Variants in KIAA1217 observed in about 807,000 individuals in gnomAD.
The protein encoded by KIAA1217 is KIAA1217, also known as sickle tail protein homolog.
In KIAA1217, 88 loss-of-function variants were observed where a neutral mutation model predicts 163.9. The observed-to-expected ratio is 0.54, with a 90% CI of 0.45 to 0.64. The LOEUF (loss-of-function observed/expected upper bound fraction) is 0.64. Among genes scored for constraint, KIAA1217 ranks in the 30% least tolerant of loss-of-function variants. The pLI, the probability that KIAA1217 is intolerant of heterozygous loss-of-function variation, is 0.00. For missense variants in KIAA1217, 2,372 were observed against 2,475.0 expected (o/e 0.96, Z 0.88); for synonymous variants, 903 against 923.1 (o/e 0.98, Z 0.39).
At position 24,026,019 on chromosome 10, in the gene KIAA1217, C is replaced by T. The variant is rs113613080; in HGVS notation, c.-171+18645C>T. ...TATTTCATTTTCTTGCTTTATCGTACCAGCTAAAGCCATCAGTAAAATGCT... is the reference window on the plus strand; with the variant it reads ...TATTTCATTTTCTTGCTTTATCGTATCAGCTAAAGCCATCAGTAAAATGCT... On this transcript the variant is annotated intron_variant, in intron 2 of 18. Transcript: ENST00000376462. Among the ~76,000 whole-genome samples, 453 of 151,806 alleles carry T rather than the reference C, an allele frequency of 3.0e-3. 3 individuals are homozygous for T. Among genetic ancestry groups the T allele is most frequent in the African/African-American group, 0.01 (415 of 41,468 alleles).
chr10:24,382,566 T>C (rs576662389), intron 3 of KIAA1217, among the ~76,000 whole-genome samples: 1 of 152,266 alleles, frequency 6.6e-6, no homozygotes, highest in East Asian at 1.9e-4. Context: ...AGGATCCTCA[T>C]TGTATAAATG....
chr10:24,427,880 CT>C (rs1412090862), intron 3 of KIAA1217, among the ~76,000 whole-genome samples: 19 of 152,178 alleles, frequency 1.2e-4, no homozygotes, highest in Admixed American at 6.5e-5. Context: ...TTCTAAATAC[CT>C]TTCCTGAATT....
At chr10:24,089,665 G>T (rs151331611) in intron 2 of KIAA1217, among the ~76,000 whole-genome samples, 18,595 of 151,666 alleles carry the variant, frequency 0.12, 3,073 homozygotes, top group African/African-American at 0.36. Flanking sequence ...ATCTCTGTTT[G>T]GGTACCAGTA....
In KIAA1217 at chr10:23,973,749, T is replaced by C. The variant is rs545738798; in HGVS notation, c.-320-33476T>C. Among the ~76,000 whole-genome samples the C allele has an allele frequency of 3.3e-5, 5 of 152,266 alleles. No individual in the cohort carries two copies. The South Asian group carries it at 1.0e-3, about 32-fold the overall frequency. On this transcript the variant is annotated intron_variant, in intron 1 of 18. Transcript: ENST00000376462. ...AACTGTGGTTCATGTTGAATGCCTA[T>C]TTGCTTCTCTCAAATCAGATTTCAC...
At chr10:23,815,515 G>A (rs11013724) in intron 1 of KIAA1217, among the ~76,000 whole-genome samples, 27,984 of 152,040 alleles carry the variant, frequency 0.18, 2,744 homozygotes, top group Middle Eastern at 0.28. Context: ...GTGGTGGCAG[G>A]CGCCTGTAGT....
intron 1 of KIAA1217, among the ~76,000 whole-genome samples, chr10:23,894,861 G>A (rs1334543099): frequency 1.3e-5 from 2 of 151,720 alleles, no homozygotes; most frequent in African/African-American, 4.8e-5. Flanking sequence ...TCTGATCTTT[G>A]ACAAACCTGA....
intron 2 of KIAA1217, among the ~76,000 whole-genome samples, chr10:24,189,401 C>T (rs1382198288): frequency 6.6e-6 from 1 of 152,066 alleles, no homozygotes; most frequent in South Asian, 2.1e-4. Flanking sequence ...TGATTGGTCG[C>T]CTTGGTATAG....
chr10:23,871,635 AC>A (rs1262974304), intron 1 of KIAA1217, among the ~76,000 whole-genome samples: 9 of 151,180 alleles, frequency 6.0e-5, no homozygotes, highest in African/African-American at 2.2e-4. Context: ...TCCCCCTTCT[AC>A]CCCTGTCACC....
At chr10:23,888,150 A>G (rs1247159455) in intron 1 of KIAA1217, among the ~76,000 whole-genome samples, 1 of 151,914 alleles carries the variant, frequency 6.6e-6, no homozygotes, top group Non-Finnish European at 1.5e-5. Context: ...TTAACATAGG[A>G]CGTCCAGGCC....
At chr10:23,827,637 C>T (rs866599456) in intron 1 of KIAA1217, among the ~76,000 whole-genome samples, 16 of 152,266 alleles carry the variant, frequency 1.1e-4, no homozygotes, top group African/African-American at 2.9e-4. Flanking sequence ...ATTGCATCTT[C>T]CCCTCCAGCA....
chr10:24,415,016 C>A (rs2058110982), intron 3 of KIAA1217, among the ~76,000 whole-genome samples: 1 of 151,912 alleles, frequency 6.6e-6, no homozygotes, highest in African/African-American at 2.4e-5. Context: ...AGATTTAAGT[C>A]ATGGGAATGA....
intron 1 of KIAA1217, among the ~76,000 whole-genome samples, chr10:23,958,049 A>G (rs1844647263): frequency 6.6e-6 from 1 of 152,206 alleles, no homozygotes; most frequent in Non-Finnish European, 1.5e-5. Flanking sequence ...AGAAGCAGAA[A>G]AAGTAATACT....
chr10:23,835,326 A>G (rs1425521016), intron 1 of KIAA1217, among the ~76,000 whole-genome samples: 2 of 152,160 alleles, frequency 1.3e-5, no homozygotes, highest in African/African-American at 2.4e-5. Flanking sequence ...GCTGAAATGT[A>G]AAGTGAAACT....
chr10:24,189,135 G>T (rs1476617364), intron 2 of KIAA1217, among the ~76,000 whole-genome samples: 1 of 150,528 alleles, frequency 6.6e-6, no homozygotes, highest in Non-Finnish European at 1.5e-5. Flanking sequence ...GAAAAAGAAA[G>T]CTTCATATTC....
chr10:24,509,259 G>A (rs2068772347), intron 9 of KIAA1217, among the ~76,000 whole-genome samples: 1 of 152,164 alleles, frequency 6.6e-6, no homozygotes, highest in Admixed American at 6.5e-5. Flanking sequence ...AAGAACACCA[G>A]ACAGGGAGGG....
intron 1 of KIAA1217, among the ~76,000 whole-genome samples, chr10:23,852,746 G>A (rs553311949): frequency 1.4e-3 from 206 of 152,190 alleles, no homozygotes; most frequent in South Asian, 8.9e-3. Flanking sequence ...TTGTAAGTTG[G>A]ATTCCTAGGT....
At chr10:24,134,491 C>A (rs1420393716) in intron 2 of KIAA1217, among the ~76,000 whole-genome samples, 1 of 152,102 alleles carries the variant, frequency 6.6e-6, no homozygotes, top group Non-Finnish European at 1.5e-5. Context: ...AAAAGGAGAA[C>A]CTTGTAGTTG....
chr10:23,887,759 C>T (rs1424732572), intron 1 of KIAA1217, among the ~76,000 whole-genome samples: 1 of 151,852 alleles, frequency 6.6e-6, no homozygotes, highest in Non-Finnish European at 1.5e-5. Flanking sequence ...TCACTCTTTC[C>T]CCCAAGATGG....
At chr10:24,051,032 T>C (rs941159561) in intron 2 of KIAA1217, among the ~76,000 whole-genome samples, 68 of 152,154 alleles carry the variant, frequency 4.5e-4, no homozygotes, top group African/African-American at 1.5e-3. Context: ...ACCTAAGCAA[T>C]GTACACTCTA....
Sources: allele counts gnomAD v4.1 joint callset (sites outside exome capture counted in the v4.1 genomes callset), GRCh38; gene constraint gnomAD v4.1.1; transcripts MANE v1.5; gene names NCBI Gene and HGNC (gene_info 2026-07-23, HGNC 2026-07-21).